Variants in POLR2F observed in about 807,000 individuals in gnomAD.
POLR2F encodes RNA polymerase II, I and III subunit F.
In POLR2F, 12 loss-of-function variants were observed where a neutral mutation model predicts 22.7. The ratio of observed to expected loss-of-function variants is 0.53; its 90% confidence interval spans 0.34 to 0.86. POLR2F has a LOEUF of 0.86. Among genes scored for constraint, POLR2F ranks in the 40% least tolerant of loss-of-function variants. The pLI is 0.02. For synonymous variants in POLR2F, 57 were observed against 66.0 expected (o/e 0.86, Z 0.66); for missense variants, 126 against 171.5 (o/e 0.73, Z 1.48).
At chr22:37,989,866 C>T (rs1424881162) in intron 1 of POLR2F, among the ~76,000 whole-genome samples, 1 of 152,238 alleles carries the variant, frequency 6.6e-6, no homozygotes, top group African/African-American at 2.4e-5. Flanking sequence ...CCACCTTCCC[C>T]TGGAGCGCTG....
downstream of POLR2F, among the ~76,000 whole-genome samples, chr22:38,027,025 G>A (rs2085018529): frequency 6.6e-6 from 1 of 152,212 alleles, no homozygotes; most frequent in Admixed American, 6.5e-5. Flanking sequence ...CATGTGGCCC[G>A]GGTGGCGAGG....
chr22:37,999,965 C>A (rs1359233119), intron 1 of POLR2F, among the ~76,000 whole-genome samples: 3 of 152,242 alleles, frequency 2.0e-5, no homozygotes, highest in Non-Finnish European at 4.4e-5. Context: ...TGGATCTGCA[C>A]CTGGCAGCCT....
rs1932288720 is a variant in POLR2F at position 37,978,326 on chromosome 22, A to AGATG, written c.293+11156_293+11157insGATG. Among the ~76,000 whole-genome samples the AGATG allele has an allele frequency of 6.6e-6, 1 of 152,222 alleles. No individual in the cohort carries two copies. Among genetic ancestry groups the AGATG allele is most frequent in the Non-Finnish European group, 1.5e-5 (1 of 68,030 alleles). On this transcript the variant is annotated intron_variant, in intron 4 of 4. Coordinates refer to the POLR2F transcript ENST00000405557. The surrounding 1 kb of genome is among the most constrained non-coding windows in gnomAD (Gnocchi z 5.0). ...GACTGAGAGATGTGAGGCCCAAGGAATAACAGCCTCAGAGGGCTGCCCCCA... is the reference window on the plus strand; with the variant it reads ...GACTGAGAGATGTGAGGCCCAAGGAAGATGTAACAGCCTCAGAGGGCTGCCCCCA...
intron 2 of POLR2F, among the ~76,000 whole-genome samples, chr22:37,957,361 C>G (rs184080024): frequency 7.9e-5 from 12 of 152,166 alleles, no homozygotes; most frequent in Middle Eastern, 3.4e-3. Context: ...GTGGCTTGGA[C>G]ATAGGTGCTG....
intron 5 of POLR2F, among the ~76,000 whole-genome samples, chr22:38,038,576 G>A (rs543390891): frequency 3.3e-5 from 5 of 152,048 alleles, no homozygotes; most frequent in African/African-American, 7.2e-5. Flanking sequence ...CCTTGCGCCC[G>A]CGCCCATGGG....
intron 5 of POLR2F, among the ~76,000 whole-genome samples, chr22:38,034,850 C>A (rs1569186088): frequency 6.6e-6 from 1 of 152,138 alleles, no homozygotes. Flanking sequence ...TGGGAGCTTT[C>A]GGCCCAGGGC....
Position 37,968,718 on chromosome 22 carries a change from G to A in POLR2F, c.*1003G>A. The A allele has an allele frequency of 1.0e-6, 1 of 985,454 alleles. No individual in the cohort carries two copies. The highest frequency in any genetic ancestry group is 1.2e-6 in the Non-Finnish European group (1 of 829,942). 61.0% of individuals were successfully genotyped at this position (985,454 alleles called of 1,614,324 possible). A position where few individuals can be genotyped will look rare whatever the true frequency, so the allele number is the denominator to read the frequency against. On this transcript the variant is annotated 3_prime_UTR_variant, in exon 5 of 5. Coordinates refer to ENST00000442738, the MANE Select transcript of POLR2F (RefSeq NM_021974.5). The stretch of plus-strand genomic sequence containing the variant: ...GTAAACTGGCTCCCTGAATATGCCA[G>A]CCTTAACCTCCATTCCACTGCCAGC...
At position 38,026,014 on chromosome 22, in the gene POLR2F, C is replaced by T. The variant is rs748523825; in HGVS notation, c.268C>T (p.His90Tyr). The T allele has an allele frequency of 2.5e-5, 14 of 553,806 alleles. No individual in the cohort carries two copies. In the East Asian group the frequency reaches 5.6e-4, roughly 22 times the overall value. 34.3% of individuals were successfully genotyped at this position (553,806 alleles called of 1,614,324 possible). A position where few individuals can be genotyped will look rare whatever the true frequency, so the allele number is the denominator to read the frequency against. ...AGGGCCCTGGAATCTTCCCCTCGTG[C>T]ACTTGGGTTTCAGTTTGCTGAATAA... is the stretch of plus-strand genomic sequence containing the variant. Residue 90 changes from histidine to tyrosine, a missense_variant, in exon 2 of 3, where the codon CAC becomes TAC. Transcript: ENST00000333418.
intron 5 of POLR2F, among the ~76,000 whole-genome samples, chr22:38,033,902 A>G (rs1045709522): frequency 6.6e-6 from 1 of 152,070 alleles, no homozygotes; most frequent in Non-Finnish European, 1.5e-5. Flanking sequence ...CTCATGACCC[A>G]TGCTGACTCT....
intron 1 of POLR2F, among the ~76,000 whole-genome samples, chr22:38,023,839 ATTTT>A (rs56162997): frequency 4.3e-5 from 5 of 115,372 alleles, no homozygotes; most frequent in Admixed American, 9.5e-5. Context: ...CGCCTGGCTA[ATTTT>A]TTTTTTTTTT....
chr22:37,988,375 G>C (rs114110778), intron 1 of POLR2F: 5 of 151,536 alleles, frequency 3.3e-5, no homozygotes, highest in African/African-American at 1.2e-4. Flanking sequence ...ACTGAGCCAG[G>C]CGTGGTGACT....
chr22:37,995,834 A>AT (rs200863783), intron 1 of POLR2F, among the ~76,000 whole-genome samples: 42 of 146,472 alleles, frequency 2.9e-4, no homozygotes, highest in Middle Eastern at 3.4e-3. Context: ...TCTACTAAAA[A>AT]TTAAAAAAAA....
chr22:38,031,348 G>A (rs2085063671), downstream of POLR2F, among the ~76,000 whole-genome samples: 1 of 152,084 alleles, frequency 6.6e-6, no homozygotes, highest in Non-Finnish European at 1.5e-5. The surrounding 1 kb of genome is among the most constrained non-coding windows in gnomAD (Gnocchi z 4.1). Flanking sequence ...GGATGCCCTC[G>A]TTCCTTGGCT....
In POLR2F at chr22:37,967,904, A is replaced by T; in HGVS notation, c.*189A>T. 7.5e-7 allele frequency: 1 copy of T among 1,326,158 alleles called. No homozygotes were observed. Among genetic ancestry groups the T allele is most frequent in the Non-Finnish European group, 9.6e-7 (1 of 1,039,996 alleles). The allele number at this position is 1,326,158 out of a possible 1,614,324, so 82.1% of individuals were successfully genotyped here. A position where few individuals can be genotyped will look rare whatever the true frequency, so the allele number is the denominator to read the frequency against. ...CTATTCCAGTGGCCCTGTGACTGTCAGCTCCTTAAGAAGCACCAGGGGCCC... is the reference window on the plus strand; with the variant it reads ...CTATTCCAGTGGCCCTGTGACTGTCTGCTCCTTAAGAAGCACCAGGGGCCC... On this transcript the variant is annotated 3_prime_UTR_variant, in exon 5 of 5. Coordinates refer to ENST00000442738, the MANE Select transcript of POLR2F (RefSeq NM_021974.5).
chr22:38,033,101 G>A lies in POLR2F; in HGVS notation c.453-7967G>A, dbSNP rs1446776694. 4 of 165,154 alleles carry A rather than the reference G, an allele frequency of 2.4e-5. No individual in the cohort carries two copies. In the East Asian group the frequency reaches 5.8e-4, roughly 24 times the overall value. The allele number at this position is 165,154 out of a possible 1,614,324, so 10.2% of individuals were successfully genotyped here. A position where few individuals can be genotyped will look rare whatever the true frequency, so the allele number is the denominator to read the frequency against. On this transcript the variant is annotated intron_variant, in intron 5 of 5. Coordinates refer to the POLR2F transcript ENST00000407936. ...TTGAGCCCAGGAGGTTGAGGCTGCAGTGAGTTGTGATCATGATACCGCACT... is the reference window on the plus strand; with the variant it reads ...TTGAGCCCAGGAGGTTGAGGCTGCAATGAGTTGTGATCATGATACCGCACT...
At chr22:38,015,840 T>C (rs1315569028) in intron 1 of POLR2F, among the ~76,000 whole-genome samples, 1 of 152,180 alleles carries the variant, frequency 6.6e-6, no homozygotes. Context: ...TTCTGTGAGA[T>C]AGGTATTATT....
chr22:37,983,792 C>A, upstream of POLR2F: 1 of 1,429,150 alleles, frequency 7.0e-7, no homozygotes, highest in Non-Finnish European at 9.2e-7. The surrounding 1 kb of genome is among the most constrained non-coding windows in gnomAD (Gnocchi z 9.5). Context: ...CATGTCGCCC[C>A]CGGCCGCCGC....
intron 1 of POLR2F, among the ~76,000 whole-genome samples, chr22:38,005,457 C>T (rs2084812718): frequency 6.6e-6 from 1 of 152,176 alleles, no homozygotes; most frequent in African/African-American, 2.4e-5. Flanking sequence ...AATGGGGAAC[C>T]ACAAAGGATT....
chr22:38,029,442 GGACAGACA>G (rs2085045568), downstream of POLR2F, among the ~76,000 whole-genome samples: 1 of 152,160 alleles, frequency 6.6e-6, no homozygotes, highest in South Asian at 2.1e-4. Context: ...GTGGGGTGAT[GGACAGACA>G]GATAAGCACT....
Sources: allele counts gnomAD v4.1 joint callset (sites outside exome capture counted in the v4.1 genomes callset), GRCh38; gene constraint gnomAD v4.1.1; non-coding constraint Gnocchi (gnomAD v3.1); transcripts MANE v1.5; gene names NCBI Gene and HGNC (gene_info 2026-07-23, HGNC 2026-07-21).